Variants in SNX27 observed in about 807,000 individuals in gnomAD.
The protein encoded by SNX27 is sorting nexin 27, also known as sorting nexin-27.
SNX27 carries 22 observed loss-of-function variants against 71.6 expected under a neutral mutation model. That is an observed-to-expected ratio of 0.31 (90% CI 0.22 to 0.44). The LOEUF is 0.44. Ranked by LOEUF, SNX27 falls within the 20% of genes least tolerant of loss-of-function variation. The probability of loss-of-function intolerance (pLI) is 1.00; values close to 1 mark genes in which losing one functional copy is unlikely to be tolerated. For missense variants in SNX27, 531 were observed against 698.6 expected, an observed-to-expected ratio of 0.76 and a Z score of 2.70; for synonymous variants, 269 against 277.2, an observed-to-expected ratio of 0.97 and a Z score of 0.29.
At chr1:151,632,602 A>G (rs1452282366) in intron 1 of SNX27, among the ~76,000 whole-genome samples, 1 of 152,230 alleles carries the variant, frequency 6.6e-6, no homozygotes, top group South Asian at 2.1e-4. Context: ...ATAACCTTGT[A>G]AGACTTGGAA....
chr1:151,628,025 T>C (rs1005819645), intron 1 of SNX27, among the ~76,000 whole-genome samples: 5 of 139,648 alleles, frequency 3.6e-5, no homozygotes, highest in Admixed American at 2.2e-4. Context: ...TTTTTTTTTT[T>C]AGATGGAATT....
chr1:151,691,612 A>G (rs1218853505), intron 8 of SNX27, among the ~76,000 whole-genome samples: 1 of 151,502 alleles, frequency 6.6e-6, no homozygotes, highest in Non-Finnish European at 1.5e-5. Context: ...CTGGAATTAC[A>G]GGCATGTGCC....
intron 1 of SNX27, among the ~76,000 whole-genome samples, chr1:151,620,102 A>G (rs1252904292): frequency 6.6e-6 from 1 of 152,220 alleles, no homozygotes; most frequent in Non-Finnish European, 1.5e-5. Flanking sequence ...AAAGAGGGGA[A>G]AATGTGAAAA....
intron 2 of SNX27, among the ~76,000 whole-genome samples, chr1:151,653,476 T>C (rs368520535): frequency 6.6e-6 from 1 of 152,192 alleles, no homozygotes; most frequent in Non-Finnish European, 1.5e-5. Context: ...GCTATTACCT[T>C]GTGCTTAGAG....
chr1:151,652,254 G>A (rs944410313), intron 2 of SNX27, among the ~76,000 whole-genome samples: 1 of 141,138 alleles, frequency 7.1e-6, no homozygotes, highest in Non-Finnish European at 1.6e-5. Flanking sequence ...GAGACGGAGA[G>A]GGAGAGGGAG....
chr1:151,638,940 C>T lies in SNX27; in HGVS notation c.364C>T (p.Arg122Ter). ...ATHKQVVDLI[R>*]AGEKELILTV... The stretch of plus-strand genomic sequence containing the variant: ...ACACAAGCAGGTGGTGGACCTGATT[C>T]GAGCAGGCGAGAAGGAATTGATCTT... Residue 122 changes from arginine (R) to a stop codon, truncating the protein, a stop_gained, in exon 2 of 12, where the codon CGA becomes TGA. Coordinates refer to ENST00000458013, the MANE Select transcript of SNX27 (RefSeq NM_001330723.2). LOFTEE classifies it high-confidence loss of function. The T allele has an allele frequency of 1.9e-6, 3 of 1,614,044 alleles. No homozygotes were observed. The highest frequency in any genetic ancestry group is 2.5e-6 in the Non-Finnish European group (3 of 1,180,038).
intron 1 of SNX27, chr1:151,629,210 AT>A (rs1332777278): frequency 2.7e-5 from 4 of 146,892 alleles, no homozygotes; most frequent in Non-Finnish European, 4.4e-5. Flanking sequence ...TTGTTAAATT[AT>A]TGTACTACAA....
At chr1:151,621,644 G>T (rs1167947959) in intron 1 of SNX27, among the ~76,000 whole-genome samples, 1 of 152,170 alleles carries the variant, frequency 6.6e-6, no homozygotes, top group African/African-American at 2.4e-5. Context: ...TACTCTTAAA[G>T]AACTTTCAAT....
chr1:151,687,134 C>T (rs1671218530), intron 8 of SNX27, among the ~76,000 whole-genome samples: 1 of 152,178 alleles, frequency 6.6e-6, no homozygotes, highest in African/African-American at 2.4e-5. Flanking sequence ...TTCCTCCCTC[C>T]CTCCCTTTCT....
At chr1:151,691,292 AAG>A (rs1362495548) in intron 8 of SNX27, among the ~76,000 whole-genome samples, 5 of 151,752 alleles carry the variant, frequency 3.3e-5, no homozygotes, top group Non-Finnish European at 7.4e-5. Context: ...AAAAAAGAAA[AAG>A]AGAAATATTT....
intron 7 of SNX27, among the ~76,000 whole-genome samples, chr1:151,675,382 G>A (rs1201679347): frequency 1.3e-5 from 2 of 151,898 alleles, no homozygotes; most frequent in Non-Finnish European, 2.9e-5. Flanking sequence ...TTTGGCTTTA[G>A]GTCTTTATAT....
intron 1 of SNX27, among the ~76,000 whole-genome samples, chr1:151,628,162 A>C (rs895974016): frequency 6.6e-5 from 10 of 151,962 alleles, no homozygotes; most frequent in African/African-American, 2.2e-4. Context: ...GCCCGCCACC[A>C]TGCCCAGCTA....
intron 8 of SNX27, among the ~76,000 whole-genome samples, chr1:151,685,020 G>A (rs1199250940): frequency 1.3e-5 from 2 of 152,038 alleles, no homozygotes; most frequent in Non-Finnish European, 2.9e-5. Flanking sequence ...TGTTGGCCAG[G>A]CTGGTCTCGA....
intron 3 of SNX27, 57 bp from the exon 4 acceptor site, chr1:151,660,741 G>A: frequency 3.0e-6 from 4 of 1,320,528 alleles, no homozygotes; most frequent in Non-Finnish European, 2.2e-6. Flanking sequence ...ATACGTCTTT[G>A]ACTTTATATT....
chr1:151,613,120 C>T (rs1035122204), intron 1 of SNX27: 1 of 152,290 alleles, frequency 6.6e-6, no homozygotes, highest in African/African-American at 2.4e-5. Flanking sequence ...TTACGCTGCC[C>T]CTAAATTTTT....
intron 7 of SNX27, among the ~76,000 whole-genome samples, chr1:151,671,096 G>C (rs535446261): frequency 1.6e-4 from 25 of 152,170 alleles, no homozygotes; most frequent in African/African-American, 6.0e-4. Flanking sequence ...TTAACTGTAG[G>C]TATGTGGATT....
chr1:151,629,731 C>T (rs1668128604), intron 1 of SNX27, among the ~76,000 whole-genome samples: 1 of 151,250 alleles, frequency 6.6e-6, no homozygotes, highest in South Asian at 2.1e-4. Flanking sequence ...GTGCGTGCCA[C>T]CATGCCCGGC....
intron 2 of SNX27, among the ~76,000 whole-genome samples, chr1:151,652,927 CT>C (rs34826631): frequency 0.69 from 75,338 of 109,246 alleles, 24,371 homozygotes; most frequent in Non-Finnish European, 0.76. Context: ...TGTTGGGTTT[CT>C]TTTTTTTTTT....
chr1:151,673,550 T>C (rs1454778053), intron 7 of SNX27, among the ~76,000 whole-genome samples: 1 of 152,208 alleles, frequency 6.6e-6, no homozygotes, highest in Non-Finnish European at 1.5e-5. Flanking sequence ...ATTTGGTCTA[T>C]AATGCAGATT....
Sources: gnomAD v4.1 joint callset for allele counts (sites outside exome capture counted in the v4.1 genomes callset) on GRCh38, gnomAD v4.1.1 for gene constraint, MANE v1.5 for transcripts, NCBI Gene and HGNC (gene_info 2026-07-23, HGNC 2026-07-21) for gene names.